DGKG: variants seen among roughly 807,000 people sequenced by gnomAD.
DGKG encodes the protein DAG kinase gamma.
A neutral mutation model predicts 105.3 loss-of-function variants in DGKG; 78 were observed. The ratio of observed to expected loss-of-function variants is 0.74; its 90% CI spans 0.62 to 0.89. The LOEUF (loss-of-function observed/expected upper bound fraction) is 0.89. Among genes scored for constraint, DGKG ranks in the 40% least tolerant of loss-of-function variants. The probability of loss-of-function intolerance (pLI) is 0.00; values close to 1 mark genes in which losing one functional copy is unlikely to be tolerated. For synonymous variants in DGKG, 346 were observed against 367.1 expected (o/e 0.94, Z 0.66); for missense variants, 958 against 1,020.1 (o/e 0.94, Z 0.83).
intron 16 of DGKG, among the ~76,000 whole-genome samples, chr3:186,258,962 G>C (rs919998956): frequency 7.2e-5 from 11 of 152,176 alleles, no homozygotes; most frequent in Non-Finnish European, 8.8e-5. Flanking sequence ...GGACACCTTG[G>C]GGGTGGAACT....
At chr3:186,228,397 C>A (rs1719958015) in intron 20 of DGKG, among the ~76,000 whole-genome samples, 1 of 152,170 alleles carries the variant, frequency 6.6e-6, no homozygotes, top group South Asian at 2.1e-4. Context: ...ATTTTAAAGT[C>A]CCAGTGTTTC....
intron 20 of DGKG, among the ~76,000 whole-genome samples, chr3:186,216,627 A>ACAC (rs1276337780): frequency 8.6e-5 from 13 of 151,966 alleles, no homozygotes; most frequent in Non-Finnish European, 1.5e-5. Context: ...CAACACCAGC[A>ACAC]CACCACCACC....
chr3:186,229,309 C>T (rs1173246727), intron 20 of DGKG, among the ~76,000 whole-genome samples: 3 of 151,338 alleles, frequency 2.0e-5, no homozygotes, highest in South Asian at 2.1e-4. Flanking sequence ...GGCATGATCT[C>T]GGCTCACTGC....
intron 1 of DGKG, among the ~76,000 whole-genome samples, chr3:186,351,904 A>G (rs1296145926): frequency 5.9e-5 from 9 of 152,228 alleles, no homozygotes; most frequent in Non-Finnish European, 1.3e-4. Flanking sequence ...AAAGCTCTGT[A>G]ATTTGAGAAA....
chr3:186,285,483 C>T (rs1031684808), intron 6 of DGKG, among the ~76,000 whole-genome samples: 9 of 152,082 alleles, frequency 5.9e-5, no homozygotes, highest in Non-Finnish European at 1.3e-4. Flanking sequence ...CACGTTCTAA[C>T]TGCTGGGAAG....
At chr3:186,243,728 G>A (rs368388046) in intron 19 of DGKG, among the ~76,000 whole-genome samples, 2 of 152,098 alleles carry the variant, frequency 1.3e-5, no homozygotes, top group East Asian at 3.9e-4. Flanking sequence ...GCCGGAGATG[G>A]GGGGTGACAC....
chr3:186,165,155 T>A, intron 22 of DGKG, 137 bp from the exon 23 acceptor site: 1 of 864,064 alleles, frequency 1.2e-6, no homozygotes, highest in South Asian at 2.0e-5. Flanking sequence ...TCATATTCAC[T>A]CTGAATAGGG....
intron 20 of DGKG, among the ~76,000 whole-genome samples, chr3:186,212,403 G>T (rs1719079169): frequency 1.3e-5 from 2 of 152,176 alleles, no homozygotes; most frequent in South Asian, 4.1e-4. Flanking sequence ...CTCTGACTGG[G>T]GGAAGCAGAG....
intron 1 of DGKG, among the ~76,000 whole-genome samples, chr3:186,327,508 C>A (rs956098361): frequency 2.6e-5 from 4 of 151,770 alleles, no homozygotes; most frequent in African/African-American, 9.7e-5. Flanking sequence ...ACTTCAGCAG[C>A]CCCCTCCCAG....
intron 21 of DGKG, among the ~76,000 whole-genome samples, chr3:186,192,382 A>G (rs548819509): frequency 2.0e-5 from 3 of 152,296 alleles, no homozygotes; most frequent in African/African-American, 7.2e-5. Flanking sequence ...TTGCTTCTAC[A>G]TCATCTCAAT....
intron 10 of DGKG, 114 bp downstream of exon 10, chr3:186,275,433 T>C: frequency 1.1e-6 from 1 of 874,866 alleles, no homozygotes; most frequent in Non-Finnish European, 1.9e-6. Flanking sequence ...ACAATATGGG[T>C]GGTCCCTCAA....
chr3:186,339,638 G>T (rs1378445180), intron 1 of DGKG, among the ~76,000 whole-genome samples: 1 of 152,126 alleles, frequency 6.6e-6, no homozygotes, highest in Non-Finnish European at 1.5e-5. Flanking sequence ...AATGAGCCCA[G>T]CTTACTGAAG....
intron 2 of DGKG, among the ~76,000 whole-genome samples, chr3:186,317,129 C>T (rs1724854732): frequency 1.3e-5 from 2 of 152,250 alleles, no homozygotes. Context: ...CTTTTCATCC[C>T]TCCGCCTGCT....
intron 21 of DGKG, among the ~76,000 whole-genome samples, chr3:186,191,126 A>G (rs1318443015): frequency 6.6e-6 from 1 of 152,228 alleles, no homozygotes; most frequent in Non-Finnish European, 1.5e-5. Context: ...ATATGTATCC[A>G]GGTCTCCAGA....
intron 23 of DGKG, among the ~76,000 whole-genome samples, chr3:186,164,198 GATTTGGTCCATAGT>G (rs1716428429): frequency 1.3e-5 from 2 of 152,214 alleles, no homozygotes; most frequent in African/African-American, 4.8e-5. Context: ...CATGTTAATA[GATTTGGTCCATAGT>G]AATTCAGTGA....
intron 15 of DGKG, 138 bp from the exon 16 acceptor site, chr3:186,260,651 G>C: frequency 1.5e-6 from 1 of 679,254 alleles, no homozygotes; most frequent in Non-Finnish European, 2.5e-6. Flanking sequence ...CGGAGGGGAG[G>C]GCACTGCCTG....
At chr3:186,247,937 C>A (rs1721022175) in intron 19 of DGKG, among the ~76,000 whole-genome samples, 1 of 152,088 alleles carries the variant, frequency 6.6e-6, no homozygotes, top group Non-Finnish European at 1.5e-5. Context: ...TCCTTGGGGA[C>A]AATTAATTAG....
In DGKG at chr3:186,211,780, C is replaced by T. The variant is rs1347503004; in HGVS notation, c.1917+15G>A. ...ACCAAGATCCAGGAAGCCTTCTCCCCACTTGGGAACTTACCTCCAACTCAA... is the reference window on the plus strand; with the variant it reads ...ACCAAGATCCAGGAAGCCTTCTCCCTACTTGGGAACTTACCTCCAACTCAA... On this transcript the variant is annotated intron_variant, in intron 21 of 24. Coordinates refer to ENST00000265022, the MANE Select transcript of DGKG (RefSeq NM_001346.3). The T allele has an allele frequency of 1.2e-6, 2 of 1,607,080 alleles. No individual in the cohort carries two copies. The highest frequency in any genetic ancestry group is 1.1e-5 in the South Asian group (1 of 90,930).
intron 20 of DGKG, among the ~76,000 whole-genome samples, chr3:186,224,493 A>T (rs1719752979): frequency 6.6e-6 from 1 of 152,214 alleles, no homozygotes; most frequent in Non-Finnish European, 1.5e-5. Context: ...TCTGTAAGTT[A>T]TATGAGTATG....
Sources: allele counts gnomAD v4.1 joint callset (sites outside exome capture counted in the v4.1 genomes callset), GRCh38; gene constraint gnomAD v4.1.1; transcripts MANE v1.5; gene names NCBI Gene and HGNC (gene_info 2026-07-23, HGNC 2026-07-21).